Variants in GPHN observed in about 807,000 individuals in gnomAD.
The protein encoded by GPHN is gephyrin.
Under a neutral mutation model 95.5 loss-of-function variants are expected in GPHN, and 17 were observed. The ratio of observed to expected loss-of-function variants is 0.18; its 90% CI spans 0.12 to 0.27. The LOEUF (loss-of-function observed/expected upper bound fraction) is 0.27, where lower values mean the gene tolerates loss of function less well. Among genes scored for constraint, GPHN ranks in the 10% least tolerant of loss-of-function variants. GPHN has a pLI of 1.00. For synonymous variants in GPHN, 320 were observed against 322.5 expected (o/e 0.99, Z 0.08); for missense variants, 660 against 978.1 (o/e 0.67, Z 4.34).
At chr14:66,985,613 T>G (rs2070973071) in intron 9 of GPHN, 6 of 961,512 alleles carry the variant, frequency 6.2e-6, no homozygotes, top group Non-Finnish European at 9.6e-6. Context: ...TACTTACTAA[T>G]GTATAGAAAA....
chr14:66,677,092 T>C (rs1303074477), intron 1 of GPHN, among the ~76,000 whole-genome samples: 2 of 152,204 alleles, frequency 1.3e-5, no homozygotes, highest in Non-Finnish European at 2.9e-5. Flanking sequence ...TCATAATAAT[T>C]TCTAGTGGTC....
chr14:66,771,348 T>C (rs928724434), intron 2 of GPHN, among the ~76,000 whole-genome samples: 1 of 152,204 alleles, frequency 6.6e-6, no homozygotes, highest in African/African-American at 2.4e-5. Flanking sequence ...TTTCATGTCC[T>C]TCTCGTCATA....
chr14:67,355,408 A>C, the GPHN span, among the ~76,000 whole-genome samples: 4 of 137,348 alleles, frequency 2.9e-5, 1 homozygote, highest in East Asian at 9.1e-4. Flanking sequence ...TAATGAAAAA[A>C]GTGGAGCCCA....
At chr14:66,892,766 TGGAGAGTTTTTGTTTG>T (rs2064588648) in intron 5 of GPHN, among the ~76,000 whole-genome samples, 1 of 152,086 alleles carries the variant, frequency 6.6e-6, no homozygotes, top group South Asian at 2.1e-4. Context: ...GAGAAGAGAA[TGGAGAGTTTTTGTTTG>T]GGATGATGAA....
At chr14:67,407,426 C>T in the GPHN span, among the ~76,000 whole-genome samples, 3 of 151,514 alleles carry the variant, frequency 2.0e-5, no homozygotes, top group African/African-American at 7.3e-5. Flanking sequence ...CAGCCCCTAA[C>T]CTTATTTTTT....
At chr14:66,715,439 C>T (rs1321106474) in intron 2 of GPHN, among the ~76,000 whole-genome samples, 1 of 151,890 alleles carries the variant, frequency 6.6e-6, no homozygotes, top group Non-Finnish European at 1.5e-5. Context: ...CTTTTTGTTT[C>T]ATTTATCTTT....
the GPHN span, chr14:67,729,280 C>T: frequency 1.4e-5 from 23 of 1,605,624 alleles, no homozygotes; most frequent in Non-Finnish European, 1.7e-5. Context: ...GCTCTGGCGG[C>T]TCTTCTCCCC....
intron 1 of GPHN, among the ~76,000 whole-genome samples, chr14:66,661,806 T>G (rs1012741999): frequency 2.6e-5 from 4 of 151,838 alleles, no homozygotes; most frequent in African/African-American, 4.8e-5. Flanking sequence ...CGTTGCTGTT[T>G]GGGCAACTCA....
the GPHN span, among the ~76,000 whole-genome samples, chr14:67,250,571 T>C: frequency 7.2e-5 from 11 of 152,322 alleles, no homozygotes; most frequent in East Asian, 7.7e-4. Context: ...CTGATAGTCA[T>C]CTGGGCCCTT....
chr14:66,822,493 T>C (rs1407898685), intron 3 of GPHN, among the ~76,000 whole-genome samples: 1 of 152,206 alleles, frequency 6.6e-6, no homozygotes, highest in Non-Finnish European at 1.5e-5. Context: ...ATGAGAACCA[T>C]TACTTGACTA....
chr14:66,544,521 G>T (rs1196462726), intron 1 of GPHN, among the ~76,000 whole-genome samples: 13 of 151,744 alleles, frequency 8.6e-5, no homozygotes, highest in African/African-American at 3.1e-4. Context: ...CTTGCACATT[G>T]TAAGTGCCCA....
chr14:66,938,027 T>G (rs1407608669), intron 8 of GPHN, among the ~76,000 whole-genome samples: 4 of 152,188 alleles, frequency 2.6e-5, no homozygotes, highest in Non-Finnish European at 4.4e-5. Context: ...TGGGAGGGCA[T>G]TGTCACCATT....
intron 10 of GPHN, among the ~76,000 whole-genome samples, chr14:67,041,082 T>G (rs1327921624): frequency 6.6e-6 from 1 of 152,024 alleles, no homozygotes; most frequent in African/African-American, 2.4e-5. Context: ...TTCCAATATT[T>G]CTTCATGTAA....
chr14:66,786,931 G>C (rs1424091224), intron 3 of GPHN, among the ~76,000 whole-genome samples: 1 of 152,102 alleles, frequency 6.6e-6, no homozygotes, highest in Non-Finnish European at 1.5e-5. Context: ...AATGGTGAAA[G>C]AATGTTTTCC....
the GPHN span, among the ~76,000 whole-genome samples, chr14:67,508,753 C>CAAAAAAAAAAAAAAAAAAAAAAAAAAAA: frequency 1.7e-4 from 8 of 46,706 alleles, 1 homozygote; most frequent in Non-Finnish European, 3.3e-4. Flanking sequence ...AACCTTGTCT[C>CAAAAAAAAAAAAAAAAAAAAAAAAAAAA]AAAAAAAAAA....
chr14:66,963,552 A>G (rs1032483337), intron 8 of GPHN, among the ~76,000 whole-genome samples: 1 of 152,098 alleles, frequency 6.6e-6, no homozygotes, highest in African/African-American at 2.4e-5. Flanking sequence ...GTGATGTCAT[A>G]TGAAGTATAA....
At chr14:66,874,316 G>T (rs1458306885) in intron 4 of GPHN, among the ~76,000 whole-genome samples, 1 of 152,138 alleles carries the variant, frequency 6.6e-6, no homozygotes, top group Non-Finnish European at 1.5e-5. Flanking sequence ...GCACAAGAAG[G>T]CTGAAAATTC....
At chr14:66,804,509 A>G (rs2060473499) in intron 3 of GPHN, among the ~76,000 whole-genome samples, 1 of 152,210 alleles carries the variant, frequency 6.6e-6, no homozygotes, top group Non-Finnish European at 1.5e-5. Flanking sequence ...AATTGCTCCA[A>G]GGAGAAAAAC....
At chr14:67,392,922 A>C in the GPHN span, 11 of 1,297,664 alleles carry the variant, frequency 8.5e-6, no homozygotes, top group South Asian at 1.4e-5. Flanking sequence ...CAATGACCTC[A>C]CTGACCTTGG....
Sources: allele counts gnomAD v4.1 joint callset (sites outside exome capture counted in the v4.1 genomes callset), GRCh38; gene constraint gnomAD v4.1.1; transcripts MANE v1.5; gene names NCBI Gene and HGNC (gene_info 2026-07-23, HGNC 2026-07-21).